The following FGD5 variants were observed in gnomAD, a reference collection of about 807,000 sequenced individuals.
FGD5 encodes FYVE, RhoGEF and PH domain containing 5.
A neutral mutation model predicts 133.4 loss-of-function variants in FGD5; 28 were observed. That is an observed-to-expected ratio of 0.21 (90% CI 0.16 to 0.29). The LOEUF (loss-of-function observed/expected upper bound fraction) is 0.29. FGD5 is among the 10% of genes least tolerant of loss of function. The pLI is 1.00. For missense variants in FGD5, 1,858 were observed against 1,895.2 expected (o/e 0.98, Z 0.36); for synonymous variants, 810 against 776.5 (o/e 1.04, Z -0.72).
chr3:14,820,261 G>C lies in FGD5; in HGVS notation c.1190G>C (p.Cys397Ser). The change falls in exon 1 of 20, where the codon TGT becomes TCT. Residue 397 changes from cysteine (C) to serine (S), a missense_variant. Coordinates refer to ENST00000285046, the MANE Select transcript of FGD5 (RefSeq NM_152536.4). ...NPMVGALCGQCGSLQGGAAEG... is the reference protein window; with the variant it reads ...NPMVGALCGQSGSLQGGAAEG... ...ATGGTGGGGGCTTTGTGTGGCCAGT[G>C]TGGCTCCCTACAGGGTGGAGCGGCC... 6.2e-7 allele frequency: 1 copy of C among 1,605,016 alleles called. No homozygotes were observed. The highest frequency in any genetic ancestry group is 8.5e-7 in the Non-Finnish European group (1 of 1,175,084).
At chr3:14,910,765 TTGATTTAAGTTTCCAC>T in intron 10 of FGD5, 80 bp from the exon 11 acceptor site, 3 of 1,059,160 alleles carry the variant, frequency 2.8e-6, no homozygotes, top group Non-Finnish European at 4.2e-6. Flanking sequence ...TTGTCTGGGA[TTGATTTAAGTTTCCAC>T]TCAGGGGCCT....
At chr3:14,840,190 TAC>T (rs2036894714) in intron 1 of FGD5, among the ~76,000 whole-genome samples, 2 of 151,710 alleles carry the variant, frequency 1.3e-5, no homozygotes, top group African/African-American at 4.8e-5. Context: ...TTGCCCAGGA[TAC>T]AGTGTGCAGT....
chr3:14,882,143 A>G (rs987615881), intron 4 of FGD5: 1 of 237,958 alleles, frequency 4.2e-6, no homozygotes, highest in Admixed American at 6.5e-5. Flanking sequence ...GCCCCCATTC[A>G]GCTTTTATAC....
chr3:14,856,861 G>A (rs1270334165), intron 1 of FGD5, among the ~76,000 whole-genome samples: 1 of 152,060 alleles, frequency 6.6e-6, no homozygotes, highest in East Asian at 1.9e-4. Context: ...TTTCTAATTT[G>A]GATGCCTTTT....
chr3:14,864,385 G>T, intron 2 of FGD5, 125 bp downstream of exon 2: 1 of 1,472,598 alleles, frequency 6.8e-7, no homozygotes, highest in East Asian at 2.3e-5. Flanking sequence ...CCAGCTGGAT[G>T]CAGGGGCTGA....
chr3:14,918,233 G>C (rs1195199137), intron 12 of FGD5, among the ~76,000 whole-genome samples: 1 of 152,234 alleles, frequency 6.6e-6, no homozygotes, highest in African/African-American at 2.4e-5. Flanking sequence ...TGAAGTTAGA[G>C]AGGGCAACAC....
chr3:14,870,448 A>C (rs796219425), intron 2 of FGD5, among the ~76,000 whole-genome samples: 37 of 152,258 alleles, frequency 2.4e-4, no homozygotes, highest in African/African-American at 8.9e-4. Context: ...CGTCCACTTC[A>C]GACCCCTCTT....
intron 4 of FGD5, among the ~76,000 whole-genome samples, chr3:14,896,604 G>A (rs879497776): frequency 1.3e-5 from 2 of 151,990 alleles, no homozygotes; most frequent in Non-Finnish European, 2.9e-5. Context: ...CCGAGTAGCT[G>A]GGATTACAGG....
At chr3:14,811,729 G>A (rs985626705) in intron 1 of FGD5, among the ~76,000 whole-genome samples, 1 of 152,214 alleles carries the variant, frequency 6.6e-6, no homozygotes, top group Non-Finnish European at 1.5e-5. Flanking sequence ...GGAGATGGGT[G>A]GTGCATGGAA....
At chr3:14,823,559 G>A (rs536630233) in intron 1 of FGD5, among the ~76,000 whole-genome samples, 1 of 152,316 alleles carries the variant, frequency 6.6e-6, no homozygotes, top group South Asian at 2.1e-4. Flanking sequence ...TCAGACACAA[G>A]TCCTGTTACA....
intron 1 of FGD5, among the ~76,000 whole-genome samples, chr3:14,812,022 G>T (rs943788012): frequency 4.0e-5 from 4 of 100,838 alleles, no homozygotes; most frequent in Non-Finnish European, 8.6e-5. Flanking sequence ...GTGTGTGTGT[G>T]TGTGTGTGTA....
At chr3:14,884,809 C>T (rs2037893044) in intron 4 of FGD5, among the ~76,000 whole-genome samples, 1 of 152,164 alleles carries the variant, frequency 6.6e-6, no homozygotes, top group African/African-American at 2.4e-5. Flanking sequence ...ACCAACTCAG[C>T]ATTCCACTGG....
intron 1 of FGD5, among the ~76,000 whole-genome samples, chr3:14,859,336 C>T (rs1341384571): frequency 2.0e-5 from 3 of 152,054 alleles, no homozygotes; most frequent in African/African-American, 4.8e-5. Context: ...GCGGGCAGAT[C>T]GCTTGAGGTG....
At chr3:14,870,148 T>TAG (rs1253363345) in intron 2 of FGD5, among the ~76,000 whole-genome samples, 1 of 61,364 alleles carries the variant, frequency 1.6e-5, no homozygotes, top group East Asian at 5.1e-4. Context: ...GGAGCCCGAA[T>TAG]GGCATGAGGG....
intron 18 of FGD5, 144 bp from the exon 19 acceptor site, chr3:14,932,433 C>G: frequency 2.3e-6 from 2 of 881,742 alleles, no homozygotes; most frequent in Non-Finnish European, 1.7e-6. Context: ...AAGCGAGGGT[C>G]AACAGTTTGT....
intron 1 of FGD5, among the ~76,000 whole-genome samples, chr3:14,827,150 A>G (rs947390944): frequency 6.6e-6 from 1 of 151,774 alleles, no homozygotes; most frequent in Non-Finnish European, 1.5e-5. Flanking sequence ...CATGACATGA[A>G]CTCTCTTCTG....
chr3:14,921,914 G>T lies in FGD5; in HGVS notation c.3570-4G>T, dbSNP rs199525408. ...CCTTTGCTCACTCCAGCCCATGCCC[G>T]CAGCTCCTGTGCAGAGAGGGACGAG... On this transcript the variant is annotated splice_region_variant and splice_polypyrimidine_tract_variant and intron_variant, in intron 13 of 19. Coordinates refer to ENST00000285046, the MANE Select transcript of FGD5 (RefSeq NM_152536.4). 18 of 1,561,474 alleles carry T rather than the reference G, an allele frequency of 1.2e-5. No homozygotes were observed. Among genetic ancestry groups the T allele is most frequent in the Non-Finnish European group, 1.5e-5 (17 of 1,152,728 alleles).
rs2038575949 is a variant in FGD5, at chr3:14,917,266, G to C, written c.3423G>C (p.Leu1141=). 6.2e-7 allele frequency: 1 copy of C among 1,613,674 alleles called. No homozygotes were observed. Among genetic ancestry groups the C allele is most frequent in the Non-Finnish European group, 8.5e-7 (1 of 1,179,774 alleles). ...RHLFLMNDVL[L]YTYPQKDGKY... Reference sequence around the variant, plus strand: ...CTCTCCAGATGAACGATGTGCTCCTGTACACCTATCCCCAGAAGGATGGGA... The same window carrying C: ...CTCTCCAGATGAACGATGTGCTCCTCTACACCTATCCCCAGAAGGATGGGA... The change falls in exon 12 of 20, where the codon CTG becomes CTC. Residue 1141 remains leucine (L), a synonymous_variant. Coordinates refer to ENST00000285046, the MANE Select transcript of FGD5 (RefSeq NM_152536.4). This position sits in a 1 kb window ranked among gnomAD's most constrained non-coding sequence, Gnocchi z 4.1.
At chr3:14,923,928 T>C in intron 16 of FGD5, 80 bp from the exon 17 acceptor site, 10 of 1,551,258 alleles carry the variant, frequency 6.4e-6, no homozygotes, top group African/African-American at 1.4e-5. Flanking sequence ...CCTAGAGGGA[T>C]TTTACAGGAA....
Sources: gnomAD v4.1 joint callset for allele counts (sites outside exome capture counted in the v4.1 genomes callset) on GRCh38, gnomAD v4.1.1 for gene constraint, Gnocchi (gnomAD v3.1) non-coding constraint, MANE v1.5 for transcripts, NCBI Gene and HGNC (gene_info 2026-07-23, HGNC 2026-07-21) for gene names.